PIGO: variants seen among roughly 807,000 people sequenced by gnomAD.
The protein encoded by PIGO is phosphatidylinositol glycan anchor biosynthesis class O.
PIGO carries 66 observed loss-of-function variants against 86.9 expected under a neutral mutation model. The observed-to-expected ratio is 0.76, with a 90% CI of 0.62 to 0.93. The LOEUF (loss-of-function observed/expected upper bound fraction) is 0.93, where lower values mean the gene tolerates loss of function less well. Among genes scored for constraint, PIGO ranks in the 40% least tolerant of loss-of-function variants. The probability of loss-of-function intolerance (pLI) is 0.00; values close to 1 mark genes in which losing one functional copy is unlikely to be tolerated. For synonymous variants in PIGO, 570 were observed against 556.4 expected (o/e 1.02, Z -0.34); for missense variants, 1,202 against 1,359.1 (o/e 0.88, Z 1.82).
chr9:35,095,470 A>T lies in PIGO; in HGVS notation c.96T>A (p.Arg32=), dbSNP rs756586911. 6.2e-7 allele frequency: 1 copy of T among 1,613,690 alleles called. No homozygotes were observed. Among genetic ancestry groups the T allele is most frequent in the South Asian group, 1.1e-5 (1 of 91,058 alleles). ...AGCTGCTATGGTTGGTGAGCTCCAA[A>T]CGGGTGAGCAGGAAGCCACTGGTGA... The part of the protein sequence containing the change: ...ALFTSGFLLT[R]LELTNHSSCQ... The change falls in exon 2 of 11, where the codon CGT becomes CGA. Residue 32 remains arginine (R), a synonymous_variant. Coordinates refer to ENST00000378617, the MANE Select transcript of PIGO (RefSeq NM_032634.4).
In PIGO at chr9:35,095,114, C is replaced by G; in HGVS notation, c.452G>C (p.Ser151Thr). 1 of 1,613,624 alleles carries G rather than the reference C, an allele frequency of 6.2e-7. No individual in the cohort carries two copies. Among genetic ancestry groups the G allele is most frequent in the South Asian group, 1.1e-5 (1 of 90,972 alleles). The change falls in exon 2 of 11, where the codon AGT becomes ACT. Residue 151 changes from serine (S) to threonine (T), a missense_variant. Physicochemically the swap from Ser to Thr is moderately conservative, Grantham distance 58 (BLOSUM62 1). Coordinates refer to ENST00000378617, the MANE Select transcript of PIGO (RefSeq NM_032634.4). ...CACTATGGCGTGGCTGGCGAAGTTA[C>G]TACCAGCATCAATAAAGGTAGGCAG... ...GSLPTFIDAGSNFASHAIVED... is the reference protein window; with the variant it reads ...GSLPTFIDAGTNFASHAIVED...
chr9:35,093,673 G>A, intron 4 of PIGO, 93 bp from the exon 5 acceptor site: 1 of 1,451,494 alleles, frequency 6.9e-7, no homozygotes, highest in Non-Finnish European at 9.2e-7. Context: ...TTCATCCCCA[G>A]CTATAACTCC....
Position 35,089,298 on chromosome 9 carries a change from A to T in PIGO, c.3141-77T>A. On this transcript the variant is annotated intron_variant, in intron 10 of 10. Coordinates refer to ENST00000378617, the MANE Select transcript of PIGO (RefSeq NM_032634.4). The stretch of plus-strand genomic sequence containing the variant: ...TCCCTGTAGAGGCAAAACCTTGGCC[A>T]TCCTGGATGTTTAGGATCTTCATAC... The T allele has an allele frequency of 1.9e-6, 3 of 1,613,492 alleles. No homozygotes were observed. In the East Asian group the frequency reaches 6.7e-5, roughly 36 times the overall value.
chr9:35,089,693 G>C, intron 9 of PIGO: 2 of 1,415,958 alleles, frequency 1.4e-6, no homozygotes, highest in Non-Finnish European at 1.8e-6. Context: ...CTCAGGCTGT[G>C]CCCCCAGGAT....
rs770666597 is a variant in PIGO, at chr9:35,093,990, G to A, written c.690C>T (p.His230=). 6.2e-7 allele frequency: 1 copy of A among 1,614,060 alleles called. No homozygotes were observed. ...DSGEWDVLIA[H]FLGVDHCGHK... is the part of the protein sequence containing the mutation. ...GGCCACAGTGGTCCACACCCAGGAA[G>A]TGAGCAATCAGCACGTCCCATTCAC... The change falls in exon 4 of 11, where the codon CAC becomes CAT. Residue 230 remains histidine, a synonymous_variant. Transcript: ENST00000378617.
At chr9:35,090,904 A>G (rs942101674) in intron 7 of PIGO, 1 of 584,556 alleles carries the variant, frequency 1.7e-6, no homozygotes, top group Admixed American at 3.3e-5. Context: ...TCTTTCTCTC[A>G]AACACATACA....
chr9:35,091,964 G>T lies in PIGO; in HGVS notation c.1923C>A (p.Cys641Ter). ...AGTGGCAAACAGGTGTCTCTTCAGG[G>T]CAACGATGAAAAAGCCCAGCTAGCC... ...CTRLAGLFHR[C>*]PEETPVCHSS... The change falls in exon 7 of 11, where the codon TGC (cysteine) becomes TGA (stop). Residue 641 changes from cysteine (C) to a stop codon, truncating the protein, a stop_gained. Coordinates refer to ENST00000378617, the MANE Select transcript of PIGO (RefSeq NM_032634.4). LOFTEE classifies it high-confidence loss of function. 6.2e-7 allele frequency: 1 copy of T among 1,614,230 alleles called. No homozygotes were observed. Among genetic ancestry groups the T allele is most frequent in the Non-Finnish European group, 8.5e-7 (1 of 1,180,050 alleles).
intron 6 of PIGO, 58 bp downstream of exon 6, chr9:35,092,972 A>C: frequency 6.5e-7 from 1 of 1,547,468 alleles, no homozygotes; most frequent in Non-Finnish European, 8.8e-7. Context: ...GTGGTTCATT[A>C]TGCTTCTTTC....
Position 35,095,402 on chromosome 9 carries a change from T to G in PIGO, c.164A>C (p.Gln55Pro), listed in dbSNP as rs761836839. The part of the protein sequence containing the change: ...PGPGSLPWGS[Q>P]GKPGACWMAS... ...CATCCAGCAGGCCCCAGGTTTCCCT[T>G]GGCTCCCCCATGGCAGGGACCCAGG... Residue 55 changes from glutamine to proline, a missense_variant, in exon 2 of 11, where the codon CAA becomes CCA. Coordinates refer to ENST00000378617, the MANE Select transcript of PIGO (RefSeq NM_032634.4). 1 of 1,614,150 alleles carries G rather than the reference T, an allele frequency of 6.2e-7. No individual in the cohort carries two copies. Among genetic ancestry groups the G allele is most frequent in the South Asian group, 1.1e-5 (1 of 91,084 alleles).
chr9:35,088,992 T>C lies in PIGO; in HGVS notation c.*100A>G, dbSNP rs2131068266. On this transcript the variant is annotated 3_prime_UTR_variant, in exon 11 of 11. Transcript: ENST00000378617. ...CCCTGGCTGCATGATAGTAAGAGTA[T>C]GGCTGAGCCTGTCTTGCAGATCATC... The C allele has an allele frequency of 2.0e-6, 3 of 1,512,184 alleles. No homozygotes were observed. Among genetic ancestry groups the C allele is most frequent in the East Asian group, 2.3e-5 (1 of 44,172 alleles). The allele number at this position is 1,512,184 out of a possible 1,614,324, so 93.7% of individuals were successfully genotyped here.
In PIGO at chr9:35,091,461, CG is replaced by C. The variant is rs1346618966; in HGVS notation, c.2425del (p.Arg809GlyfsTer4). The part of the protein sequence containing the change: ...QIYRHMQEEF[R>X]GRLERTKSQG... ...AGATTTGGTCCTCTCTAACCGGCCC[CG>C]GAACTCCTCCTGCATGTGTCGGTAG... On this transcript the variant is annotated frameshift_variant, in exon 7 of 11. Transcript: ENST00000378617. LOFTEE classifies it high-confidence loss of function. 1 of 1,614,202 alleles carries C rather than the reference CG, an allele frequency of 6.2e-7. No individual in the cohort carries two copies. The highest frequency in any genetic ancestry group is 1.7e-5 in the Admixed American group (1 of 60,028).
At position 35,092,601 on chromosome 9, in the gene PIGO, T is replaced by A; in HGVS notation, c.1286A>T (p.Gln429Leu). ...GGCCCGAGCTCCCCGCAGGAACTGC[T>A]GCAGCTCAGCAATCACAGTCGGCAG... is the stretch of plus-strand genomic sequence containing the variant. ...ATLPTVIAEL[Q>L]QFLRGARAMC... is the part of the protein sequence containing the mutation. The change falls in exon 7 of 11, where the codon CAG (glutamine) becomes CTG (leucine). Residue 429 changes from glutamine (Q) to leucine (L), a missense_variant. Gln to Leu is a moderately radical substitution (Grantham distance 113). Coordinates refer to ENST00000378617, the MANE Select transcript of PIGO (RefSeq NM_032634.4). 1 of 1,614,264 alleles carries A rather than the reference T, an allele frequency of 6.2e-7. No individual in the cohort carries two copies. Among genetic ancestry groups the A allele is most frequent in the South Asian group, 1.1e-5 (1 of 91,090 alleles).
chr9:35,093,120 C>T lies in PIGO; in HGVS notation c.1029G>A (p.Val343=), dbSNP rs754701583. 6.2e-7 allele frequency: 1 copy of T among 1,614,226 alleles called. No homozygotes were observed. Among genetic ancestry groups the T allele is most frequent in the South Asian group, 1.1e-5 (1 of 91,086 alleles). The change falls in exon 6 of 11, where the codon GTG becomes GTA. Residue 343 remains valine (V), a synonymous_variant. Coordinates refer to ENST00000378617, the MANE Select transcript of PIGO (RefSeq NM_032634.4). ...LPIPFGNIGE[V]MAELFSGGED... ...CACCCCCTGAGAATAGCTCAGCCAT[C>T]ACTTCCCCGATATTCCCAAATGGGA...
At chr9:35,089,581 ATGTCC>A in intron 9 of PIGO, 131 bp from the exon 10 acceptor site, 1 of 1,505,362 alleles carries the variant, frequency 6.6e-7, no homozygotes, top group Non-Finnish European at 8.9e-7. Context: ...AAAATATTGC[ATGTCC>A]TGGGCTAGGA....
Position 35,092,375 on chromosome 9 carries a change from A to G in PIGO, c.1512T>C (p.Ile504=). ...AIAYAGLLGT[I]ELKLDLVLLG... The stretch of plus-strand genomic sequence containing the variant: ...GAAGCACTAGATCTAGCTTCAGCTC[A>G]ATAGTTCCCAGGAGTCCAGCATACG... Residue 504 remains isoleucine, a synonymous_variant, in exon 7 of 11, where the codon ATT becomes ATC. Transcript: ENST00000378617. 1.2e-6 allele frequency: 2 copies of G among 1,614,180 alleles called. No homozygotes were observed. Among genetic ancestry groups the G allele is most frequent in the Non-Finnish European group, 8.5e-7 (1 of 1,179,958 alleles).
In PIGO at chr9:35,095,230, C is replaced by G. The variant is rs747374026; in HGVS notation, c.336G>C (p.Glu112Asp). Residue 112 changes from glutamate to aspartate, a missense_variant, in exon 2 of 11, where the codon GAG becomes GAC. Glu to Asp is a conservative substitution (Grantham distance 45). Coordinates refer to ENST00000378617, the MANE Select transcript of PIGO (RefSeq NM_032634.4). The stretch of plus-strand genomic sequence containing the variant: ...AGAGCCGGGCATGGTGGGGCTGAAT[C>G]TCCAGGATCCTCTGCAAGGAGCTTA... Reference protein sequence around the residue: ...GKLSSLQRILEIQPHHARLYR... With the variant: ...GKLSSLQRILDIQPHHARLYR... The G allele has an allele frequency of 2.5e-6, 4 of 1,614,140 alleles. No individual in the cohort carries two copies. The highest frequency in any genetic ancestry group is 3.4e-6 in the Non-Finnish European group (4 of 1,180,018).
intron 8 of PIGO, 64 bp downstream of exon 8, chr9:35,090,402 G>C: frequency 6.4e-7 from 1 of 1,556,430 alleles, no homozygotes; most frequent in Non-Finnish European, 8.7e-7. Context: ...TCAAATCCAG[G>C]GGTTTCCTTT....
chr9:35,089,377 C>T lies in PIGO; in HGVS notation c.3140+3G>A. The T allele has an allele frequency of 6.2e-7, 1 of 1,614,204 alleles. No individual in the cohort carries two copies. ...CCTCTACTTCTCAAGCAAATCTACT[C>T]ACTTAGGGGCAAACACTTTCCAGAC... is the stretch of plus-strand genomic sequence containing the variant. On this transcript the variant is annotated splice_donor_region_variant and intron_variant, in intron 10 of 10. Transcript: ENST00000378617.
At chr9:35,089,542 A>T (rs1829322109) in intron 9 of PIGO, 92 bp from the exon 10 acceptor site, 1 of 1,583,866 alleles carries the variant, frequency 6.3e-7, no homozygotes, top group African/African-American at 1.3e-5. Context: ...TAAAAAATGG[A>T]AGCAGGAGAA....
Sources: gnomAD v4.1 joint callset for allele counts on GRCh38, gnomAD v4.1.1 for gene constraint, MANE v1.5 for transcripts, NCBI Gene and HGNC (gene_info 2026-07-23, HGNC 2026-07-21) for gene names.